Variants in TCERG1 observed in about 807,000 individuals in gnomAD.
TCERG1 encodes the protein TATA box binding protein (TBP)-associated factor, RNA polymerase II, S, 150kD.
A neutral mutation model predicts 144.7 loss-of-function variants in TCERG1; 37 were observed. The ratio of observed to expected loss-of-function variants is 0.26; its 90% CI spans 0.20 to 0.34. TCERG1 has a LOEUF of 0.34. Among genes scored for constraint, TCERG1 ranks in the 10% least tolerant of loss-of-function variants. The probability of loss-of-function intolerance (pLI) is 1.00; values close to 1 mark genes in which losing one functional copy is unlikely to be tolerated. For missense variants in TCERG1, 1,027 were observed against 1,380.7 expected (o/e 0.74, Z 4.06); for synonymous variants, 492 against 458.2 (o/e 1.07, Z -0.94).
chr5:146,478,638 G>A lies in TCERG1; in HGVS notation c.1747G>A (p.Glu583Lys). 6.3e-7 allele frequency: 1 copy of A among 1,585,260 alleles called. No homozygotes were observed. Residue 583 changes from glutamate (E) to lysine (K), a missense_variant, in exon 10 of 23, where the codon GAA becomes AAA. By Grantham distance (56) the Glu-to-Lys change is moderately conservative (BLOSUM62 1). Coordinates refer to ENST00000679501, the MANE Select transcript of TCERG1 (RefSeq NM_001382548.1). Reference protein sequence around the residue: ...QEPPHKKGMEELKKLRHPTPT... With the variant: ...QEPPHKKGMEKLKKLRHPTPT... ...GCCCCCTCATAAAAAAGGAATGGAGGAATTGAAGAAACTAAGTAAGTTTTA... is the reference window on the plus strand; with the variant it reads ...GCCCCCTCATAAAAAAGGAATGGAGAAATTGAAGAAACTAAGTAAGTTTTA...
At chr5:146,503,311 A>G (rs1437070151) in intron 17 of TCERG1, 64 bp from the exon 18 acceptor site, 3 of 1,484,628 alleles carry the variant, frequency 2.0e-6, no homozygotes, top group Non-Finnish European at 9.2e-7. Context: ...AATATTTAAG[A>G]TATGATGAAT....
In TCERG1 at chr5:146,455,147, C is replaced by T. The variant is rs745494288; in HGVS notation, c.151C>T (p.Pro51Ser). 6 of 1,614,082 alleles carry T rather than the reference C, an allele frequency of 3.7e-6. No individual in the cohort carries two copies. Among genetic ancestry groups the T allele is most frequent in the African/African-American group, 1.3e-5 (1 of 74,914 alleles). Residue 51 changes from proline to serine, a missense_variant, in exon 2 of 23, where the codon CCA becomes TCA. Physicochemically the swap from Pro to Ser is moderately conservative, Grantham distance 74. This residue lies in a region of TCERG1 where 175 missense variants were observed against 197.0 expected (regional missense o/e 0.89). Coordinates refer to ENST00000679501, the MANE Select transcript of TCERG1 (RefSeq NM_001382548.1). ...RGPPPLMRPP[P>S]PFGMMRGPPP... ...CCCACCACCTCTGATGCGACCTCCT[C>T]CACCTTTTGGTATGATGCGAGGCCC...
chr5:146,510,049 C>A, intron 22 of TCERG1: 1 of 1,289,434 alleles, frequency 7.8e-7, no homozygotes, highest in African/African-American at 1.5e-5. Context: ...AGTAAGACTT[C>A]TTTCTACATT....
At chr5:146,480,168 G>A (rs995284019) in intron 12 of TCERG1, 74 bp downstream of exon 12, 12 of 1,135,076 alleles carry the variant, frequency 1.1e-5, no homozygotes, top group East Asian at 2.4e-5. Flanking sequence ...TTTGTGATTG[G>A]AAGGGACAGG....
intron 14 of TCERG1, among the ~76,000 whole-genome samples, chr5:146,483,314 A>G (rs1020430193): frequency 6.6e-6 from 1 of 152,160 alleles, no homozygotes; most frequent in Non-Finnish European, 1.5e-5. Flanking sequence ...TTAATGAGTA[A>G]TTAAGTGTCT....
intron 17 of TCERG1, among the ~76,000 whole-genome samples, chr5:146,500,488 C>T (rs917574448): frequency 1.7e-4 from 26 of 151,946 alleles, no homozygotes; most frequent in African/African-American, 6.0e-4. Context: ...TTTCCTTGTT[C>T]TTGTAATTCT....
In TCERG1 at chr5:146,492,946, G is replaced by A; in HGVS notation, c.2190G>A (p.Arg730=). Residue 730 remains arginine, a synonymous_variant, in exon 16 of 23, where the codon AGG becomes AGA. Coordinates refer to ENST00000679501, the MANE Select transcript of TCERG1 (RefSeq NM_001382548.1). The part of the protein sequence containing the change: ...KQVFDQYVKT[R]AEEERREKKN... The stretch of plus-strand genomic sequence containing the variant: ...TGTTTGATCAGTATGTAAAGACCAG[G>A]GCAGAGGAAGAACGCAGGGAAAAGA... 6.2e-7 allele frequency: 1 copy of A among 1,607,454 alleles called. No homozygotes were observed. The highest frequency in any genetic ancestry group is 8.5e-7 in the Non-Finnish European group (1 of 1,177,402).
chr5:146,484,030 C>T (rs77964266), intron 15 of TCERG1, among the ~76,000 whole-genome samples: 11,649 of 151,992 alleles, frequency 0.077, 488 homozygotes, highest in Middle Eastern at 0.12. Flanking sequence ...ATATGACTAC[C>T]GTTGAACACT....
chr5:146,486,458 A>C (rs933402251), intron 15 of TCERG1, among the ~76,000 whole-genome samples: 2 of 152,268 alleles, frequency 1.3e-5, no homozygotes, highest in African/African-American at 4.8e-5. Flanking sequence ...CATAAAAACT[A>C]GACCATTTGC....
Position 146,509,124 on chromosome 5 carries a change from CTTT to C in TCERG1, c.3046-11_3046-9del. ...GTGGGTTTTATTTCCATAATCTCAACTTTTTTTTTTTTATTAACAGAAAAAACA... is the reference window on the plus strand; with the variant it reads ...GTGGGTTTTATTTCCATAATCTCAACTTTTTTTTTATTAACAGAAAAAACA... On this transcript the variant is annotated intron_variant, in intron 21 of 22. Transcript: ENST00000679501. 2.7e-6 allele frequency: 3 copies of C among 1,130,264 alleles called. No homozygotes were observed. The highest frequency in any genetic ancestry group is 1.6e-5 in the South Asian group (1 of 62,666). The allele number at this position is 1,130,264 out of a possible 1,614,324, so 70.0% of individuals were successfully genotyped here. A position where few individuals can be genotyped will look rare whatever the true frequency, so the allele number is the denominator to read the frequency against.
chr5:146,496,714 G>A (rs1766934840), intron 16 of TCERG1, among the ~76,000 whole-genome samples: 1 of 152,004 alleles, frequency 6.6e-6, no homozygotes, highest in Non-Finnish European at 1.5e-5. Flanking sequence ...GTCTTGCTCA[G>A]TTGTTAAGGC....
rs564500721 is a variant in TCERG1, at chr5:146,477,544, AT to A, written c.1602-947del. 2.4e-4 allele frequency among the ~76,000 whole-genome samples: 37 copies of A among 151,694 alleles called. No homozygotes were observed. In the South Asian group the frequency reaches 4.0e-3, roughly 16 times the overall value. ...CTGTCCTCCGTATTGCTTTCTGTTT[AT>A]TCATTAAGACTATACTATACAGAGT... On this transcript the variant is annotated intron_variant, in intron 9 of 22. Coordinates refer to ENST00000679501, the MANE Select transcript of TCERG1 (RefSeq NM_001382548.1).
intron 10 of TCERG1, among the ~76,000 whole-genome samples, chr5:146,478,966 C>T (rs1554099324): frequency 6.6e-6 from 1 of 152,050 alleles, no homozygotes; most frequent in Non-Finnish European, 1.5e-5. Flanking sequence ...AAATGCTCCT[C>T]GGTGGGCCTT....
intron 17 of TCERG1, 96 bp from the exon 18 acceptor site, chr5:146,503,279 G>A (rs907028456): frequency 1.7e-6 from 2 of 1,170,456 alleles, no homozygotes; most frequent in South Asian, 3.3e-5. Context: ...TTTAAGGTAG[G>A]TGAACTTTTT....
intron 13 of TCERG1, chr5:146,481,583 A>G (rs1261595147): frequency 6.6e-6 from 1 of 152,080 alleles, no homozygotes; most frequent in Non-Finnish European, 1.5e-5. Flanking sequence ...CTCTGGGGCT[A>G]CCTACAGTTT....
chr5:146,468,390 T>C lies in TCERG1; in HGVS notation c.1185T>C (p.Ala395=). The C allele has an allele frequency of 1.2e-6, 2 of 1,610,912 alleles. No individual in the cohort carries two copies. Among genetic ancestry groups the C allele is most frequent in the Non-Finnish European group, 1.7e-6 (2 of 1,178,434 alleles). Residue 395 remains alanine (A), a synonymous_variant, in exon 6 of 23, where the codon GCT becomes GCC. Coordinates refer to ENST00000679501, the MANE Select transcript of TCERG1 (RefSeq NM_001382548.1). ...IVSCPYVKTV[A]TTKTGVLPGM... ...GCTGCCCGTATGTAAAGACAGTCGCTACCACCAAGACCGGTAATTTTTAAA... is the reference window on the plus strand; with the variant it reads ...GCTGCCCGTATGTAAAGACAGTCGCCACCACCAAGACCGGTAATTTTTAAA...
At chr5:146,468,725 T>TA (rs1037475072) in intron 6 of TCERG1, among the ~76,000 whole-genome samples, 3 of 152,102 alleles carry the variant, frequency 2.0e-5, no homozygotes, top group African/African-American at 7.2e-5. Flanking sequence ...AAGTTAAATA[T>TA]AAAAAAACAT....
At chr5:146,510,293 G>A in intron 22 of TCERG1, 148 bp from the exon 23 acceptor site, 2 of 728,594 alleles carry the variant, frequency 2.7e-6, no homozygotes, top group Admixed American at 6.2e-5. Flanking sequence ...ACTTACAAAG[G>A]TGACCACTGC....
Position 146,470,695 on chromosome 5 carries a change from A to G in TCERG1, c.1459A>G (p.Met487Val), listed in dbSNP as rs145454535. 3.1e-6 allele frequency: 5 copies of G among 1,613,636 alleles called. No individual in the cohort carries two copies. The African/African-American group carries it at 5.3e-5, about 17-fold the overall frequency. Reference sequence around the variant, plus strand: ...AGAACCCTCTGAAGAGCCTCTGCCAATGGAGACGGAGGAGGAGGATCCTAA... The same window carrying G: ...AGAACCCTCTGAAGAGCCTCTGCCAGTGGAGACGGAGGAGGAGGATCCTAA... ...IKEPSEEPLP[M>V]ETEEEDPKEE... The change falls in exon 8 of 23, where the codon ATG (methionine) becomes GTG (valine). Residue 487 changes from methionine (M) to valine (V), a missense_variant. Around this residue, in one of 6 missense-constraint regions of TCERG1, gnomAD observed 482 missense variants for 632.6 expected, o/e 0.76. Coordinates refer to ENST00000679501, the MANE Select transcript of TCERG1 (RefSeq NM_001382548.1).
Sources: gnomAD v4.1 joint callset for allele counts (sites outside exome capture counted in the v4.1 genomes callset) on GRCh38, gnomAD v4.1.1 for gene constraint, gnomAD v4.1.1 regional missense constraint, MANE v1.5 for transcripts, NCBI Gene and HGNC (gene_info 2026-07-23, HGNC 2026-07-21) for gene names.